Variants in RBFOX3 observed in about 807,000 individuals in gnomAD.
The protein encoded by RBFOX3 is RNA binding protein fox-1 homolog 3.
A neutral mutation model predicts 48.7 loss-of-function variants in RBFOX3; 17 were observed. That is an observed-to-expected ratio of 0.35 (90% CI 0.24 to 0.52). RBFOX3 has a LOEUF of 0.52. Among genes scored for constraint, RBFOX3 ranks in the 20% least tolerant of loss-of-function variants. The pLI, the probability that RBFOX3 is intolerant of heterozygous loss-of-function variation, is 0.94. For missense variants in RBFOX3, 382 were observed against 497.5 expected, an observed-to-expected ratio of 0.77 and a Z score of 2.21; for synonymous variants, 212 against 209.5, an observed-to-expected ratio of 1.01 and a Z score of -0.10.
chr17:79,333,374 C>G (rs2080707067), intron 2 of RBFOX3, among the ~76,000 whole-genome samples: 1 of 152,168 alleles, frequency 6.6e-6, no homozygotes, highest in African/African-American at 2.4e-5. Context: ...TTCTTTTGTT[C>G]CAGAGACACA....
At chr17:79,429,634 C>A (rs1384295775) in intron 2 of RBFOX3, among the ~76,000 whole-genome samples, 1 of 152,114 alleles carries the variant, frequency 6.6e-6, no homozygotes, top group African/African-American at 2.4e-5. Context: ...TGAGGTCACA[C>A]CTGGGCCAGT....
intron 4 of RBFOX3, among the ~76,000 whole-genome samples, chr17:79,164,619 G>A (rs372523255): frequency 6.5e-4 from 99 of 152,334 alleles, no homozygotes; most frequent in African/African-American, 2.2e-3. Context: ...GCCACAGCAC[G>A]GCGGAGCAAA....
In RBFOX3 at chr17:79,299,355, T is replaced by C. The variant is rs574313902; in HGVS notation, c.-74+8369A>G. On this transcript the variant is annotated intron_variant, in intron 3 of 14. Coordinates refer to ENST00000693108, the MANE Select transcript of RBFOX3 (RefSeq NM_001350451.2). This position sits in a 1 kb window ranked among gnomAD's most constrained non-coding sequence, Gnocchi z 4.5. ...AAATGGGACTGTACAGGCAGTCCTC[T>C]GGATCTTAGAGTTCTGCATCCATGG... 1.0e-3 allele frequency among the ~76,000 whole-genome samples: 152 copies of C among 152,288 alleles called. No homozygotes were observed. The highest frequency in any genetic ancestry group is 1.9e-3 in the South Asian group (9 of 4,816).
At chr17:79,593,208 C>T (rs1194393000) in intron 1 of RBFOX3, among the ~76,000 whole-genome samples, 8 of 152,298 alleles carry the variant, frequency 5.3e-5, no homozygotes, top group South Asian at 2.1e-4. Context: ...CCCACCAGGA[C>T]GGACACCACC....
At chr17:79,499,217 C>G (rs1357074536) in intron 1 of RBFOX3, among the ~76,000 whole-genome samples, 4 of 151,204 alleles carry the variant, frequency 2.6e-5, no homozygotes, top group Admixed American at 6.6e-5. Context: ...TATACCTACT[C>G]ATATATCCAT....
chr17:79,569,187 C>T (rs1223071719), intron 1 of RBFOX3, among the ~76,000 whole-genome samples: 4 of 152,246 alleles, frequency 2.6e-5, no homozygotes, highest in African/African-American at 9.6e-5. Flanking sequence ...GACCCACTTC[C>T]AGAACTTTTC....
the RBFOX3 span, among the ~76,000 whole-genome samples, chr17:79,654,117 T>C: frequency 2.6e-5 from 4 of 152,170 alleles, no homozygotes; most frequent in East Asian, 1.9e-4. Context: ...AAAGAGGGAA[T>C]TGTGGACGTA....
At chr17:79,328,383 C>A (rs1478927176) in intron 2 of RBFOX3, among the ~76,000 whole-genome samples, 2 of 152,204 alleles carry the variant, frequency 1.3e-5, no homozygotes, top group African/African-American at 2.4e-5. Context: ...GCTGGGGTGA[C>A]CCTGGCCACA....
At chr17:79,614,482 C>CG (rs1463438432), upstream of RBFOX3, among the ~76,000 whole-genome samples, 32 of 151,894 alleles carry the variant, frequency 2.1e-4, no homozygotes, top group Non-Finnish European at 3.8e-4. Flanking sequence ...TTTGCAGCCC[C>CG]CCTAAGGTGA....
At chr17:79,387,988 G>A (rs1056404276) in intron 2 of RBFOX3, among the ~76,000 whole-genome samples, 2 of 136,170 alleles carry the variant, frequency 1.5e-5, no homozygotes. Context: ...GTGTGTGCAT[G>A]TGTGAATGTG....
chr17:79,510,510 G>A (rs897864527), intron 1 of RBFOX3, among the ~76,000 whole-genome samples: 10 of 152,158 alleles, frequency 6.6e-5, no homozygotes, highest in Non-Finnish European at 1.0e-4. Context: ...GAGGGGCACC[G>A]TGCCTGCGCA....
chr17:79,210,543 T>A (rs1475685865), intron 4 of RBFOX3, among the ~76,000 whole-genome samples: 1 of 152,252 alleles, frequency 6.6e-6, no homozygotes, highest in Non-Finnish European at 1.5e-5. Context: ...CCAGAGGGGT[T>A]TCTTCTGCTG....
intron 4 of RBFOX3, among the ~76,000 whole-genome samples, chr17:79,172,457 G>T (rs1004900677): frequency 6.6e-6 from 1 of 152,214 alleles, no homozygotes; most frequent in African/African-American, 2.4e-5. Flanking sequence ...GGTCATGGGA[G>T]TTTCTCCCAG....
chr17:79,462,440 T>TA (rs1226543847), intron 2 of RBFOX3, among the ~76,000 whole-genome samples: 1 of 152,226 alleles, frequency 6.6e-6, no homozygotes, highest in Non-Finnish European at 1.5e-5. Flanking sequence ...GACGGTGTCT[T>TA]ACGCACAGTT....
chr17:79,629,726 A>G, the RBFOX3 span, among the ~76,000 whole-genome samples: 2 of 152,254 alleles, frequency 1.3e-5, no homozygotes, highest in Admixed American at 1.3e-4. Context: ...ACCATTGCTC[A>G]TAACATCAAA....
At chr17:79,486,608 A>T (rs1163828461) in intron 1 of RBFOX3, among the ~76,000 whole-genome samples, 1 of 152,162 alleles carries the variant, frequency 6.6e-6, no homozygotes, top group Non-Finnish European at 1.5e-5. Context: ...CTTCCTCAGG[A>T]TCTAATCCTC....
intron 2 of RBFOX3, among the ~76,000 whole-genome samples, chr17:79,462,579 A>C (rs146772028): frequency 1.3e-5 from 2 of 152,160 alleles, no homozygotes; most frequent in African/African-American, 4.8e-5. Flanking sequence ...GGTTGTTACT[A>C]CTTAGTGGAG....
intron 13 of RBFOX3, among the ~76,000 whole-genome samples, chr17:79,095,183 C>T (rs1332757060): frequency 1.3e-5 from 2 of 151,692 alleles, no homozygotes; most frequent in Admixed American, 1.3e-4. Context: ...CTAGGTTGCT[C>T]CAGGAGGAAG....
chr17:79,242,032 G>A lies in RBFOX3; in HGVS notation c.-73-6227C>T, dbSNP rs771532441. ...ACACACAGCTTCCACGTATTCACTCGATTCTTTGCTTTCTTTCCTTCCATG... is the reference window on the plus strand; with the variant it reads ...ACACACAGCTTCCACGTATTCACTCAATTCTTTGCTTTCTTTCCTTCCATG... On this transcript the variant is annotated intron_variant, in intron 3 of 14. Transcript: ENST00000693108. The surrounding 1 kb of genome is among the most constrained non-coding windows in gnomAD (Gnocchi z 5.8). 2.0e-5 allele frequency among the ~76,000 whole-genome samples: 3 copies of A among 152,232 alleles called. No individual in the cohort carries two copies. Among genetic ancestry groups the A allele is most frequent in the African/African-American group, 4.8e-5 (2 of 41,450 alleles).
Sources: gnomAD v4.1 joint callset for allele counts (sites outside exome capture counted in the v4.1 genomes callset) on GRCh38, gnomAD v4.1.1 for gene constraint, Gnocchi (gnomAD v3.1) non-coding constraint, MANE v1.5 for transcripts, NCBI Gene and HGNC (gene_info 2026-07-23, HGNC 2026-07-21) for gene names.